The following PLA2G6 variants were observed in gnomAD, a reference collection of about 807,000 sequenced individuals.
The protein encoded by PLA2G6 is 85/88 kDa calcium-independent phospholipase A2.
A neutral mutation model predicts 83.8 loss-of-function variants in PLA2G6; 62 were observed. The ratio of observed to expected loss-of-function variants is 0.74; its 90% CI spans 0.60 to 0.91. The LOEUF (loss-of-function observed/expected upper bound fraction) is 0.91. Among genes scored for constraint, PLA2G6 ranks in the 40% least tolerant of loss-of-function variants. PLA2G6 has a pLI of 0.00. For synonymous variants in PLA2G6, 417 were observed against 449.8 expected, an observed-to-expected ratio of 0.93 and a Z score of 0.92; for missense variants, 944 against 1,102.0, an observed-to-expected ratio of 0.86 and a Z score of 2.03.
Position 38,126,392 on chromosome 22 carries a change from G to C in PLA2G6, c.1406C>G (p.Ser469Cys). ...RARKPAFILG[S>C]MRDEKRTHDH... ...TTACGTCCGCTTCTCGTCCCTCATG[G>C]AGCCCAGGATGAACGCTGGCTTCCG... is the stretch of plus-strand genomic sequence containing the variant. Residue 469 changes from serine to cysteine, a missense_variant, in exon 10 of 17, where the codon TCC becomes TGC. Ser to Cys is a moderately radical substitution (Grantham distance 112). Coordinates refer to ENST00000332509, the MANE Select transcript of PLA2G6 (RefSeq NM_003560.4). 6.2e-7 allele frequency: 1 copy of C among 1,613,684 alleles called. No individual in the cohort carries two copies. The highest frequency in any genetic ancestry group is 8.5e-7 in the Non-Finnish European group (1 of 1,179,856).
chr22:38,179,459 G>C (rs1369646114), intron 1 of PLA2G6, among the ~76,000 whole-genome samples: 1 of 150,434 alleles, frequency 6.6e-6, no homozygotes, highest in Non-Finnish European at 1.5e-5. Context: ...CAGGGATGGA[G>C]GGCAGAACTA....
At chr22:38,168,806 C>A (rs537286971) in intron 2 of PLA2G6, among the ~76,000 whole-genome samples, 1 of 152,050 alleles carries the variant, frequency 6.6e-6, no homozygotes, top group Non-Finnish European at 1.5e-5. Flanking sequence ...GCCGAGATTG[C>A]GCCACTGCAC....
chr22:38,150,936 A>C lies in PLA2G6; in HGVS notation c.210-5283T>G, dbSNP rs988923720. 2.6e-5 allele frequency among the ~76,000 whole-genome samples: 4 copies of C among 152,132 alleles called. No homozygotes were observed. In the East Asian group the frequency reaches 5.8e-4, roughly 22 times the overall value. On this transcript the variant is annotated intron_variant, in intron 2 of 16. Transcript: ENST00000332509. ...ACCCCGTCTCTACTAAAAATACAAAAATTAGTCAGGTGTAGTGGTGCATGC... is the reference window on the plus strand; with the variant it reads ...ACCCCGTCTCTACTAAAAATACAAACATTAGTCAGGTGTAGTGGTGCATGC...
intron 1 of PLA2G6, among the ~76,000 whole-genome samples, chr22:38,176,642 C>T (rs115497263): frequency 0.015 from 2,260 of 152,290 alleles, 57 homozygotes; most frequent in African/African-American, 0.051. Flanking sequence ...AGCACGGGAG[C>T]ATGCCACCAC....
intron 2 of PLA2G6, among the ~76,000 whole-genome samples, chr22:38,151,020 G>T (rs889413886): frequency 6.6e-6 from 1 of 152,120 alleles, no homozygotes; most frequent in Non-Finnish European, 1.5e-5. Context: ...CTGGGAGGCG[G>T]AGATCGTGCC....
intron 1 of PLA2G6, among the ~76,000 whole-genome samples, chr22:38,179,755 AGAGT>A (rs761322884): frequency 1.3e-4 from 20 of 152,312 alleles, no homozygotes; most frequent in Non-Finnish European, 2.5e-4. Flanking sequence ...CCTGGGTGAC[AGAGT>A]GAGACTCTGT....
chr22:38,143,677 T>A (rs941664652), intron 3 of PLA2G6: 5 of 372,960 alleles, frequency 1.3e-5, no homozygotes, highest in African/African-American at 1.1e-4. Flanking sequence ...ATGGACAGAG[T>A]GATGGTGAGA....
At chr22:38,114,337 T>C (rs1224020933) in intron 14 of PLA2G6, among the ~76,000 whole-genome samples, 5 of 152,162 alleles carry the variant, frequency 3.3e-5, no homozygotes, top group Non-Finnish European at 7.4e-5. Context: ...CCTGCCACTA[T>C]GCCCGCCTGG....
chr22:38,143,695 G>A (rs2089060792), intron 3 of PLA2G6: 3 of 351,140 alleles, frequency 8.5e-6, no homozygotes, highest in South Asian at 4.8e-5. Flanking sequence ...AGATGAGACA[G>A]TGCTGTCCAA....
intron 8 of PLA2G6, 32 bp downstream of exon 8, chr22:38,129,422 C>T (rs750573751): frequency 1.4e-6 from 2 of 1,453,728 alleles, no homozygotes; most frequent in East Asian, 2.3e-5. Flanking sequence ...CAACCCTCAC[C>T]CCACTCCAGC....
At chr22:38,145,827 A>G in intron 2 of PLA2G6, 174 bp from the exon 3 acceptor site, 2 of 617,724 alleles carry the variant, frequency 3.2e-6, no homozygotes, top group East Asian at 3.0e-5. Flanking sequence ...ACACACACAC[A>G]CACACACCCC....
Position 38,169,317 on chromosome 22 carries a change from C to G in PLA2G6, c.110G>C (p.Arg37Pro). ...AATCAGCTGCCCTTCCTCCCGAACT[C>G]GGTCACTCGAGGTGTAGTCGGCCAC... ...VAVADYTSSD[R>P]VREEGQLILF... is the part of the protein sequence containing the mutation. Residue 37 changes from arginine (R) to proline (P), a missense_variant, in exon 2 of 17, where the codon CGA becomes CCA. Coordinates refer to ENST00000332509, the MANE Select transcript of PLA2G6 (RefSeq NM_003560.4). 1 of 1,614,206 alleles carries G rather than the reference C, an allele frequency of 6.2e-7. No homozygotes were observed. The highest frequency in any genetic ancestry group is 8.5e-7 in the Non-Finnish European group (1 of 1,180,034).
In PLA2G6 at chr22:38,132,923, G is replaced by A. The variant is rs1245210761; in HGVS notation, c.985C>T (p.Arg329Cys). 5 of 1,558,748 alleles carry A rather than the reference G, an allele frequency of 3.2e-6. No individual in the cohort carries two copies. The highest frequency in any genetic ancestry group is 1.2e-5 in the South Asian group (1 of 84,558). Residue 329 changes from arginine (R) to cysteine (C), a missense_variant, in exon 7 of 17, where the codon CGC (arginine) becomes TGC (cysteine). Arg to Cys is a radical substitution (Grantham distance 180, BLOSUM62 -3). Transcript: ENST00000332509. This position sits in a 1 kb window ranked among gnomAD's most constrained non-coding sequence, Gnocchi z 5.0. The stretch of plus-strand genomic sequence containing the variant: ...AGCAGCACTATGGCACAGTCGAAGC[G>A]GTTGCGCATCACCGCCACGTGCAGG... The part of the protein sequence containing the change: ...TALHVAVMRN[R>C]FDCAIVLLTH...
Position 38,129,462 on chromosome 22 carries a change from AT to A in PLA2G6, c.1177del (p.Ile393SerfsTer11). Reference protein sequence around the residue: ...GETPTFLASKIGRLVTRKAIL... With the variant: ...GETPTFLASKXGRLVTRKAIL... The stretch of plus-strand genomic sequence containing the variant: ...GAGTGCAGAGCACATACGTCTGCCG[AT>A]TTTGGAGGCTAGGAATGTAGGAGTC... On this transcript the variant is annotated frameshift_variant, in exon 8 of 17. Coordinates refer to ENST00000332509, the MANE Select transcript of PLA2G6 (RefSeq NM_003560.4). LOFTEE classifies it high-confidence loss of function. 6.2e-7 allele frequency: 1 copy of A among 1,611,306 alleles called. No individual in the cohort carries two copies. The highest frequency in any genetic ancestry group is 8.5e-7 in the Non-Finnish European group (1 of 1,177,486).
At chr22:38,175,818 G>A (rs1241572858) in intron 1 of PLA2G6, among the ~76,000 whole-genome samples, 3 of 152,284 alleles carry the variant, frequency 2.0e-5, no homozygotes, top group East Asian at 3.9e-4. Context: ...AACCCGCTTT[G>A]ATTTGTTTCC....
intron 13 of PLA2G6, 178 bp downstream of exon 13, chr22:38,115,897 C>T: frequency 1.4e-6 from 2 of 1,471,014 alleles, no homozygotes; most frequent in Non-Finnish European, 9.1e-7. Flanking sequence ...ACTTTTCTAA[C>T]CTGCCAGGGG....
rs2089203987 is a variant in PLA2G6 at position 38,145,654 on chromosome 22, C to T, written c.210-1G>A. On this transcript the variant is annotated splice_acceptor_variant, in intron 2 of 16. Transcript: ENST00000332509. LOFTEE classifies it high-confidence loss of function. Reference sequence around the variant, plus strand: ...AGCCTCCAACTCCAGCTGGAAGAGTCTGTAGAGCCAGGACAGAGGAGCAAG... The same window carrying T: ...AGCCTCCAACTCCAGCTGGAAGAGTTTGTAGAGCCAGGACAGAGGAGCAAG... 1 of 1,607,384 alleles carries T rather than the reference C, an allele frequency of 6.2e-7. No homozygotes were observed. The highest frequency in any genetic ancestry group is 1.1e-5 in the South Asian group (1 of 90,274).
At chr22:38,144,962 G>A in intron 3 of PLA2G6, 1 of 356,414 alleles carries the variant, frequency 2.8e-6, no homozygotes, top group South Asian at 2.3e-5. Context: ...CCTGGCACCT[G>A]GTGAGCACTC....
At position 38,114,669 on chromosome 22, in the gene PLA2G6, C is replaced by T. The variant is rs565741576; in HGVS notation, c.2034+858G>A. Among the ~76,000 whole-genome samples, 3 of 152,314 alleles carry T rather than the reference C, an allele frequency of 2.0e-5. No homozygotes were observed. In the East Asian group the frequency reaches 5.8e-4, roughly 29 times the overall value. On this transcript the variant is annotated intron_variant, in intron 14 of 16. Transcript: ENST00000332509. ...GAAGCCCGCCCTGCCCGATCTGGCC[C>T]CTAGAGGGCGCTTCTCTGTCTGCCC...
Sources: gnomAD v4.1 joint callset for allele counts (sites outside exome capture counted in the v4.1 genomes callset) on GRCh38, gnomAD v4.1.1 for gene constraint, Gnocchi (gnomAD v3.1) non-coding constraint, MANE v1.5 for transcripts, NCBI Gene and HGNC (gene_info 2026-07-23, HGNC 2026-07-21) for gene names.